The following MTHFD2 variants were observed in gnomAD, a reference collection of about 807,000 sequenced individuals.
The protein encoded by MTHFD2 is bifunctional methylenetetrahydrofolate dehydrogenase/cyclohydrolase, mitochondrial.
A neutral mutation model predicts 36.8 loss-of-function variants in MTHFD2; 26 were observed. The ratio of observed to expected loss-of-function variants is 0.71; its 90% CI spans 0.52 to 0.98. The LOEUF (loss-of-function observed/expected upper bound fraction) is 0.98, where lower values mean the gene tolerates loss of function less well. MTHFD2 is among the 50% of genes least tolerant of loss of function. The probability of loss-of-function intolerance (pLI) is 0.00; values close to 1 mark genes in which losing one functional copy is unlikely to be tolerated. For synonymous variants in MTHFD2, 164 were observed against 155.2 expected (o/e 1.06, Z -0.42); for missense variants, 373 against 434.0 (o/e 0.86, Z 1.25).
intron 3 of MTHFD2, 64 bp from the exon 4 acceptor site, chr2:74,208,505 T>G: frequency 6.5e-7 from 1 of 1,530,344 alleles, no homozygotes; most frequent in South Asian, 1.2e-5. Flanking sequence ...GCAGATAAGC[T>G]GGAGTCAGGC....
chr2:74,204,530 A>G (rs1031791094), intron 1 of MTHFD2, among the ~76,000 whole-genome samples: 1 of 152,214 alleles, frequency 6.6e-6, no homozygotes, highest in Admixed American at 6.5e-5. Flanking sequence ...GAACTGCCTC[A>G]GGGACGAGCT....
At chr2:74,210,148 CT>C in intron 5 of MTHFD2, 99 bp downstream of exon 5, 1 of 925,374 alleles carries the variant, frequency 1.1e-6, no homozygotes. Context: ...CTCTGTTATA[CT>C]TTGTATTTGT....
chr2:74,211,094 T>G, intron 5 of MTHFD2, 105 bp from the exon 6 acceptor site: 1 of 767,714 alleles, frequency 1.3e-6, no homozygotes, highest in Non-Finnish European at 2.2e-6. Flanking sequence ...CGTAAGTCAA[T>G]TATTTTTCAG....
At chr2:74,207,939 C>A in intron 3 of MTHFD2, 113 bp downstream of exon 3, 1 of 1,109,838 alleles carries the variant, frequency 9.0e-7, no homozygotes, top group Non-Finnish European at 1.3e-6. Flanking sequence ...TTCCTTGTCT[C>A]ACTCTGTCAC....
chr2:74,198,882 G>A lies in MTHFD2; in HGVS notation c.101+140G>A, dbSNP rs1335343051. ...GGCGGTGGTGGCCGCTGAGGGGTGTGGCGGGGCGACGTGGCACCGAGCGCC... is the reference window on the plus strand; with the variant it reads ...GGCGGTGGTGGCCGCTGAGGGGTGTAGCGGGGCGACGTGGCACCGAGCGCC... On this transcript the variant is annotated intron_variant, in intron 1 of 7. Coordinates refer to ENST00000394053, the MANE Select transcript of MTHFD2 (RefSeq NM_006636.4). 11 of 778,232 alleles carry A rather than the reference G, an allele frequency of 1.4e-5. No individual in the cohort carries two copies. The East Asian group carries it at 1.9e-4, about 13-fold the overall frequency. The allele number at this position is 778,232 out of a possible 1,614,324, so 48.2% of individuals were successfully genotyped here. A position where few individuals can be genotyped will look rare whatever the true frequency, so the allele number is the denominator to read the frequency against.
At chr2:74,206,116 G>A in intron 2 of MTHFD2, 1 of 409,486 alleles carries the variant, frequency 2.4e-6, no homozygotes, top group Non-Finnish European at 4.4e-6. Flanking sequence ...CTTCTGGAAA[G>A]AATATAAGCT....
chr2:74,213,418 A>T (rs1375926532), intron 7 of MTHFD2, among the ~76,000 whole-genome samples: 1 of 151,268 alleles, frequency 6.6e-6, no homozygotes, highest in Non-Finnish European at 1.5e-5. Context: ...CTGGGACTAT[A>T]GGCACATGTC....
In MTHFD2 at chr2:74,208,587, G is replaced by T; in HGVS notation, c.428G>T (p.Arg143Met). Residue 143 changes from arginine to methionine, a missense_variant, in exon 4 of 8, where the codon AGG becomes ATG. Physicochemically the swap from Arg to Met is moderately conservative, Grantham distance 91. Transcript: ENST00000394053. ...TTTTCAGAGCATATTGATGAGAGAA[G>T]GATCTGCAATGCTGTTTCTCCAGAC... ...LPLPEHIDER[R>M]ICNAVSPDKD... The T allele has an allele frequency of 1.2e-6, 2 of 1,614,092 alleles. No individual in the cohort carries two copies.
chr2:74,213,945 G>A, intron 7 of MTHFD2, 134 bp from the exon 8 acceptor site: 3 of 876,866 alleles, frequency 3.4e-6, no homozygotes, highest in Non-Finnish European at 3.4e-6. Context: ...AACCTTGAAT[G>A]ATGTAGATGT....
intron 4 of MTHFD2, 45 bp from the exon 5 acceptor site, chr2:74,209,897 T>A: frequency 6.5e-7 from 1 of 1,540,456 alleles, no homozygotes; most frequent in Non-Finnish European, 8.8e-7. Context: ...TTTGTTTTCC[T>A]TTGGACTGGC....
chr2:74,200,407 T>A (rs1180410842), intron 1 of MTHFD2, among the ~76,000 whole-genome samples: 1 of 152,244 alleles, frequency 6.6e-6, no homozygotes. Context: ...CAATCCATAT[T>A]ATCTGTACTG....
rs371769755 is a variant in MTHFD2 at position 74,214,067 on chromosome 2, G to T, written c.890-12G>T. 1 of 1,610,966 alleles carries T rather than the reference G, an allele frequency of 6.2e-7. No individual in the cohort carries two copies. The highest frequency in any genetic ancestry group is 1.1e-5 in the South Asian group (1 of 90,556). On this transcript the variant is annotated splice_polypyrimidine_tract_variant and intron_variant, in intron 7 of 7. Transcript: ENST00000394053. The stretch of plus-strand genomic sequence containing the variant: ...ATAACTAAAGCAGCCTGCCTGTCTT[G>T]TTTCTATGTAGGAGTCAGACAAAAA...
intron 7 of MTHFD2, 87 bp downstream of exon 7, chr2:74,211,953 T>A: frequency 8.5e-7 from 1 of 1,175,372 alleles, no homozygotes; most frequent in Non-Finnish European, 1.1e-6. Context: ...ACTTTTTTTT[T>A]TTTTTTTTTT....
chr2:74,212,263 CT>C (rs398042480), intron 7 of MTHFD2, among the ~76,000 whole-genome samples: 8,126 of 35,650 alleles, frequency 0.23, 280 homozygotes, highest in Non-Finnish European at 0.28. Flanking sequence ...GTTTCTTTCT[CT>C]TTTTTTTTTT....
intron 4 of MTHFD2, 26 bp downstream of exon 4, chr2:74,208,747 C>T: frequency 6.2e-7 from 1 of 1,609,276 alleles, no homozygotes; most frequent in Non-Finnish European, 8.5e-7. Context: ...AATTGCATGT[C>T]TGTGTTAATA....
chr2:74,213,684 A>AT (rs553547865), intron 7 of MTHFD2, among the ~76,000 whole-genome samples: 535 of 150,384 alleles, frequency 3.6e-3, no homozygotes, highest in Non-Finnish European at 5.8e-3. Flanking sequence ...CATTAGGTTA[A>AT]TTTTTTTTTT....
At chr2:74,201,279 T>C (rs558562825) in intron 1 of MTHFD2, among the ~76,000 whole-genome samples, 1 of 152,040 alleles carries the variant, frequency 6.6e-6, no homozygotes, top group South Asian at 2.1e-4. Context: ...TGAGCCACAG[T>C]TTTGGATTTT....
intron 2 of MTHFD2, among the ~76,000 whole-genome samples, chr2:74,206,787 C>G (rs982176429): frequency 6.6e-6 from 1 of 152,214 alleles, no homozygotes; most frequent in African/African-American, 2.4e-5. Context: ...CGGCTCTCCG[C>G]AACCTCCGCC....
Position 74,198,696 on chromosome 2 carries a change from C to A in MTHFD2, c.55C>A (p.His19Asn), listed in dbSNP as rs780000573. Residue 19 changes from histidine to asparagine, a missense_variant, in exon 1 of 8, where the codon CAC (histidine) becomes AAC (asparagine). Transcript: ENST00000394053. ...GGCTGCCCGGCTGCTGCAGCCCGCG[C>A]ACAGCTGCTCCCTTCGCCTTCGCCC... ...ALAARLLQPA[H>N]SCSLRLRPFH... is the part of the protein sequence containing the mutation. 6.2e-7 allele frequency: 1 copy of A among 1,611,494 alleles called. No homozygotes were observed. Among genetic ancestry groups the A allele is most frequent in the South Asian group, 1.1e-5 (1 of 90,838 alleles).
Sources: gnomAD v4.1 joint callset for allele counts (sites outside exome capture counted in the v4.1 genomes callset) on GRCh38, gnomAD v4.1.1 for gene constraint, MANE v1.5 for transcripts, NCBI Gene and HGNC (gene_info 2026-07-23, HGNC 2026-07-21) for gene names.